The following PDGFRL variants were observed in gnomAD, a reference collection of about 807,000 sequenced individuals.
PDGFRL encodes the protein platelet-derived growth factor receptor-like protein.
A neutral mutation model predicts 37.2 loss-of-function variants in PDGFRL; 46 were observed. The ratio of observed to expected loss-of-function variants is 1.24; its 90% CI spans 0.98 to 1.58. The LOEUF (loss-of-function observed/expected upper bound fraction) is 1.58. PDGFRL is among the 40% of genes most tolerant of loss of function. The pLI is 0.00. For synonymous variants in PDGFRL, 251 were observed against 184.3 expected (o/e 1.36, Z -2.93); for missense variants, 692 against 467.6 (o/e 1.48, Z -4.43).
At chr8:17,624,423 C>A (rs1804693190) in intron 3 of PDGFRL, among the ~76,000 whole-genome samples, 1 of 152,182 alleles carries the variant, frequency 6.6e-6, no homozygotes, top group Non-Finnish European at 1.5e-5. Context: ...TCTTTCACTT[C>A]TTATTGTAGT....
intron 3 of PDGFRL, among the ~76,000 whole-genome samples, chr8:17,621,527 T>G (rs1804634268): frequency 1.3e-5 from 2 of 152,056 alleles, no homozygotes; most frequent in African/African-American, 4.8e-5. Context: ...CCAGGGTCTG[T>G]CCCTGCACTC....
chr8:17,585,514 G>T (rs1339651881), intron 1 of PDGFRL, among the ~76,000 whole-genome samples: 2 of 152,160 alleles, frequency 1.3e-5, no homozygotes, highest in Non-Finnish European at 2.9e-5. Context: ...TTGGAAAAGT[G>T]TGTGTGTTCC....
chr8:17,626,720 A>G (rs568919115), intron 3 of PDGFRL, among the ~76,000 whole-genome samples: 1 of 152,168 alleles, frequency 6.6e-6, no homozygotes, highest in Non-Finnish European at 1.5e-5. Context: ...AAAACAAAGG[A>G]TTCAATGTAC....
chr8:17,621,557 A>G (rs2237833), intron 3 of PDGFRL, among the ~76,000 whole-genome samples: 70,301 of 151,944 alleles, frequency 0.46, 16,609 homozygotes, highest in African/African-American at 0.58. Flanking sequence ...GTGACCACTA[A>G]ACATGTGTGG....
intron 1 of PDGFRL, among the ~76,000 whole-genome samples, chr8:17,589,247 G>T (rs1371562029): frequency 6.6e-6 from 1 of 152,058 alleles, no homozygotes; most frequent in Admixed American, 6.6e-5. Context: ...TGAGTTGGGT[G>T]TGGCGGCGGG....
chr8:17,613,189 C>T (rs746009175), intron 2 of PDGFRL, among the ~76,000 whole-genome samples: 7 of 152,168 alleles, frequency 4.6e-5, no homozygotes, highest in Admixed American at 3.3e-4. Context: ...AATTGTTGGG[C>T]GTATTTTAAG....
At chr8:17,631,379 G>A (rs756150565) in intron 4 of PDGFRL, among the ~76,000 whole-genome samples, 7 of 152,104 alleles carry the variant, frequency 4.6e-5, no homozygotes, top group East Asian at 1.9e-4. Context: ...CTGTCGGGGG[G>A]ATCAGTAGCC....
rs112366615 is a variant in PDGFRL at position 17,579,047 on chromosome 8, A to G, written c.55+1740A>G. Among the ~76,000 whole-genome samples the G allele has an allele frequency of 3.6e-3, 554 of 152,110 alleles. 7 individuals carry two copies. Among genetic ancestry groups the G allele is most frequent in the African/African-American group, 0.013 (527 of 41,450 alleles). On this transcript the variant is annotated intron_variant, in intron 1 of 5. Transcript: ENST00000251630. Reference sequence around the variant, plus strand: ...ACCCCGTCTCTACTAAAAATATAAAAATTAGCCGGGCGTGGTGGTGGGCAC... The same window carrying G: ...ACCCCGTCTCTACTAAAAATATAAAGATTAGCCGGGCGTGGTGGTGGGCAC...
At chr8:17,592,916 G>GCGCACA (rs1170033080) in intron 2 of PDGFRL, among the ~76,000 whole-genome samples, 3 of 29,584 alleles carry the variant, frequency 1.0e-4, no homozygotes, top group African/African-American at 1.2e-4. Context: ...CCACATACAT[G>GCGCACA]CACACACACA....
At chr8:17,630,245 C>G (rs928779496) in intron 4 of PDGFRL, among the ~76,000 whole-genome samples, 3 of 152,212 alleles carry the variant, frequency 2.0e-5, no homozygotes, top group African/African-American at 4.8e-5. Flanking sequence ...TGGCCTTACT[C>G]CCTTACTCTT....
chr8:17,600,741 TGTA>T (rs891209465), intron 2 of PDGFRL, among the ~76,000 whole-genome samples: 17 of 151,166 alleles, frequency 1.1e-4, no homozygotes, highest in Non-Finnish European at 4.4e-5. Flanking sequence ...AGTTTGAGGC[TGTA>T]GTGAACTATG....
At chr8:17,596,868 T>A (rs1439320241) in intron 2 of PDGFRL, among the ~76,000 whole-genome samples, 2 of 152,242 alleles carry the variant, frequency 1.3e-5, no homozygotes, top group Non-Finnish European at 2.9e-5. Context: ...AACGGACTCT[T>A]GACATCGTTC....
intron 1 of PDGFRL, among the ~76,000 whole-genome samples, chr8:17,579,128 C>A (rs1446469543): frequency 2.6e-5 from 4 of 152,012 alleles, no homozygotes; most frequent in Non-Finnish European, 5.9e-5. Flanking sequence ...ACCTGGGAGG[C>A]AGAGGTTGCA....
chr8:17,592,667 C>G (rs2588148), intron 2 of PDGFRL, among the ~76,000 whole-genome samples: 128,150 of 151,860 alleles, frequency 0.84, 56,444 homozygotes, highest in Non-Finnish European at 0.97. Flanking sequence ...TTGGGCCCCT[C>G]AGTACCGGGC....
chr8:17,617,964 C>CT (rs1804560871), intron 2 of PDGFRL, among the ~76,000 whole-genome samples: 1 of 148,368 alleles, frequency 6.7e-6, no homozygotes. Flanking sequence ...CATGGGGAGA[C>CT]TGTCGCCTCC....
At chr8:17,580,110 A>G (rs1274051559) in intron 1 of PDGFRL, among the ~76,000 whole-genome samples, 1 of 152,314 alleles carries the variant, frequency 6.6e-6, no homozygotes, top group Admixed American at 6.5e-5. Context: ...TCTGTTGAAT[A>G]ACATGAGATC....
intron 1 of PDGFRL, among the ~76,000 whole-genome samples, chr8:17,581,787 C>G (rs1178663797): frequency 6.6e-6 from 1 of 152,132 alleles, no homozygotes; most frequent in Non-Finnish European, 1.5e-5. Flanking sequence ...TCTTGTACAG[C>G]CTGCAGAACG....
At chr8:17,612,017 G>A (rs975414642) in intron 2 of PDGFRL, among the ~76,000 whole-genome samples, 7 of 152,166 alleles carry the variant, frequency 4.6e-5, no homozygotes, top group African/African-American at 1.7e-4. Flanking sequence ...CACAGCCTCG[G>A]CAGGTCCACA....
intron 1 of PDGFRL, among the ~76,000 whole-genome samples, chr8:17,583,602 C>T (rs149200922): frequency 1.2e-4 from 19 of 152,302 alleles, no homozygotes; most frequent in African/African-American, 4.6e-4. Flanking sequence ...ATTTGACCTC[C>T]TCCTAACCTC....
Sources: allele counts gnomAD v4.1 joint callset (sites outside exome capture counted in the v4.1 genomes callset), GRCh38; gene constraint gnomAD v4.1.1; transcripts MANE v1.5; gene names NCBI Gene and HGNC (gene_info 2026-07-23, HGNC 2026-07-21).